COBL: variants seen among roughly 807,000 people sequenced by gnomAD.
COBL encodes the protein protein cordon-bleu.
Under a neutral mutation model 98.8 loss-of-function variants are expected in COBL, and 51 were observed. The observed-to-expected ratio is 0.52, with a 90% CI of 0.41 to 0.65. The LOEUF (loss-of-function observed/expected upper bound fraction) is 0.65. Ranked by LOEUF, COBL falls within the 30% of genes least tolerant of loss-of-function variation. COBL has a pLI of 0.00. For synonymous variants in COBL, 634 were observed against 651.7 expected (o/e 0.97, Z 0.41); for missense variants, 1,617 against 1,617.5 (o/e 1.00, Z 0.01).
intron 6 of COBL, among the ~76,000 whole-genome samples, chr7:51,087,359 T>G (rs1794379085): frequency 6.6e-6 from 1 of 152,222 alleles, no homozygotes; most frequent in Non-Finnish European, 1.5e-5. Flanking sequence ...ATTACCTTTT[T>G]GTTTTCCCTG....
chr7:51,297,581 C>T (rs1463676806), intron 1 of COBL, among the ~76,000 whole-genome samples: 1 of 151,862 alleles, frequency 6.6e-6, no homozygotes, highest in Admixed American at 6.6e-5. Flanking sequence ...TTAGTAGAGA[C>T]GGGGTTTTGC....
chr7:51,303,999 G>A (rs1381057528), intron 1 of COBL, among the ~76,000 whole-genome samples: 2 of 152,044 alleles, frequency 1.3e-5, no homozygotes, highest in Non-Finnish European at 2.9e-5. Context: ...ATGGAATAAC[G>A]CTGGCGGCAC....
chr7:51,316,768 A>AGCGGCGGAGC lies in COBL; in HGVS notation c.-145_-136dup. On this transcript the variant is annotated 5_prime_UTR_variant, in exon 1 of 13. Transcript: ENST00000265136. The stretch of plus-strand genomic sequence containing the variant: ...CCTCCCACGCGGGCCGGCGGAGGAC[A>AGCGGCGGAGC]GCGGCGGAGCGCGGCGGACGGAAGG... The AGCGGCGGAGC allele has an allele frequency of 1.5e-6, 1 of 668,646 alleles. No individual in the cohort carries two copies. Among genetic ancestry groups the AGCGGCGGAGC allele is most frequent in the Middle Eastern group, 5.1e-4 (1 of 1,962 alleles). The allele number at this position is 668,646 out of a possible 1,614,324, so 41.4% of individuals were successfully genotyped here.
At chr7:51,138,386 GATTT>G (rs1438979406) in intron 5 of COBL, among the ~76,000 whole-genome samples, 1 of 152,186 alleles carries the variant, frequency 6.6e-6, no homozygotes, top group Non-Finnish European at 1.5e-5. Flanking sequence ...TGCAACTCAA[GATTT>G]ATTTAACCCT....
chr7:51,203,777 T>TG (rs2129068197), intron 2 of COBL, among the ~76,000 whole-genome samples: 1 of 152,200 alleles, frequency 6.6e-6, no homozygotes, highest in South Asian at 2.1e-4. Flanking sequence ...ATCGATTCAA[T>TG]GAAGAACACT....
At position 51,075,381 on chromosome 7, in the gene COBL, T is replaced by C. The variant is rs1334901764; in HGVS notation, c.1096+9785A>G. On this transcript the variant is annotated intron_variant, in intron 7 of 12. Transcript: ENST00000265136. Reference sequence around the variant, plus strand: ...CTGAATGCGGTGCTGTGAAGAGATGTGTAGTAGCACACTATGATATATTTT... The same window carrying C: ...CTGAATGCGGTGCTGTGAAGAGATGCGTAGTAGCACACTATGATATATTTT... Among the ~76,000 whole-genome samples, 4 of 152,222 alleles carry C rather than the reference T, an allele frequency of 2.6e-5. No individual in the cohort carries two copies. In the South Asian group the frequency reaches 8.3e-4, roughly 32 times the overall value.
At chr7:51,150,345 G>A (rs142180608) in intron 5 of COBL, among the ~76,000 whole-genome samples, 471 of 152,294 alleles carry the variant, frequency 3.1e-3, no homozygotes, top group Non-Finnish European at 5.1e-3. Flanking sequence ...GAACGTAGGT[G>A]TTAGGAAAGG....
intron 1 of COBL, among the ~76,000 whole-genome samples, chr7:51,274,799 G>C (rs997549812): frequency 6.6e-6 from 1 of 152,178 alleles, no homozygotes; most frequent in Non-Finnish European, 1.5e-5. Context: ...ATTAATTTTT[G>C]TAAACCAGTC....
rs151264751 is a variant in COBL at position 51,083,442 on chromosome 7, C to T, written c.1096+1724G>A. Among the ~76,000 whole-genome samples the T allele has an allele frequency of 3.0e-3, 453 of 152,304 alleles. 1 individual carries two copies. The highest frequency in any genetic ancestry group is 0.01 in the African/African-American group (432 of 41,556). On this transcript the variant is annotated intron_variant, in intron 7 of 12. Transcript: ENST00000265136. Reference sequence around the variant, plus strand: ...CACTCACACTTTAACATTTTACATACGTAGTGTTCTATCATTGGAGCAGTT... The same window carrying T: ...CACTCACACTTTAACATTTTACATATGTAGTGTTCTATCATTGGAGCAGTT...
At chr7:51,097,800 G>A (rs978115452) in intron 6 of COBL, among the ~76,000 whole-genome samples, 5 of 152,044 alleles carry the variant, frequency 3.3e-5, no homozygotes, top group Admixed American at 2.6e-4. Flanking sequence ...GAGGCGGGTG[G>A]ATCACAAGGT....
chr7:51,044,689 C>T (rs1176157593), intron 7 of COBL, among the ~76,000 whole-genome samples: 2 of 152,164 alleles, frequency 1.3e-5, no homozygotes, highest in African/African-American at 4.8e-5. Flanking sequence ...AGTCATTCTT[C>T]CCCTAAATAG....
chr7:51,105,360 C>T (rs139874359), intron 6 of COBL, among the ~76,000 whole-genome samples: 7 of 152,326 alleles, frequency 4.6e-5, no homozygotes, highest in Admixed American at 1.3e-4. Context: ...CCACCTGCTG[C>T]GCGAACTTGC....
rs190199671 is a variant in COBL, at chr7:51,243,333, C to A, written c.42-23389G>T. ...CCCTTATGTGCGAGTCACCTCACCC[C>A]TCTGTACCTCCGGTTCCAGTGGTGA... On this transcript the variant is annotated intron_variant, in intron 1 of 12. Transcript: ENST00000265136. Among the ~76,000 whole-genome samples, 218 of 152,330 alleles carry A rather than the reference C, an allele frequency of 1.4e-3. 1 individual carries two copies. Among genetic ancestry groups the A allele is most frequent in the African/African-American group, 5.2e-3 (215 of 41,590 alleles).
At chr7:51,164,045 G>A (rs1787067974) in intron 5 of COBL, among the ~76,000 whole-genome samples, 1 of 152,196 alleles carries the variant, frequency 6.6e-6, no homozygotes, top group Non-Finnish European at 1.5e-5. Context: ...GTGATGAACA[G>A]TGTTCACTGT....
At chr7:51,129,490 T>C (rs1330832819) in intron 6 of COBL, among the ~76,000 whole-genome samples, 1 of 147,434 alleles carries the variant, frequency 6.8e-6, no homozygotes, top group Non-Finnish European at 1.5e-5. Flanking sequence ...GACCCACACA[T>C]GTTTGGTAAA....
Position 51,316,630 on chromosome 7 carries a change from C to T in COBL, c.4G>A (p.Asp2Asn). The stretch of plus-strand genomic sequence containing the variant: ...TTGGCCGCCGAGGCGCGCGGCGCGT[C>T]CATGGTGCCGGGGGCCGGGACGCGG... Reference protein sequence around the residue: MDAPRASAAKPP... With the variant: MNAPRASAAKPP... Residue 2 changes from aspartate to asparagine, a missense_variant, in exon 1 of 13, where the codon GAC (aspartate) becomes AAC (asparagine). Physicochemically the swap from Asp to Asn is conservative, Grantham distance 23 (BLOSUM62 1). Around this residue, in one of 3 missense-constraint regions of COBL, gnomAD observed 238 missense variants for 215.0 expected, o/e 1.11. Coordinates refer to ENST00000265136, the MANE Select transcript of COBL (RefSeq NM_015198.5). The T allele has an allele frequency of 1.7e-6, 2 of 1,200,580 alleles. No individual in the cohort carries two copies. Among genetic ancestry groups the T allele is most frequent in the Non-Finnish European group, 2.1e-6 (2 of 967,888 alleles). 74.4% of individuals were successfully genotyped at this position (1,200,580 alleles called of 1,614,324 possible). A position where few individuals can be genotyped will look rare whatever the true frequency, so the allele number is the denominator to read the frequency against.
chr7:51,264,043 T>C (rs1306663578), intron 1 of COBL, among the ~76,000 whole-genome samples: 4 of 152,170 alleles, frequency 2.6e-5, no homozygotes, highest in African/African-American at 9.7e-5. Flanking sequence ...ATTATGTAGC[T>C]GTCAAAAGAC....
intron 7 of COBL, chr7:51,071,002 C>T (rs922397458): frequency 6.6e-6 from 1 of 152,190 alleles, no homozygotes; most frequent in South Asian, 2.1e-4. Flanking sequence ...CAGGGTGAAA[C>T]TAAGAATTTA....
chr7:51,070,084 A>G (rs1217426015), intron 7 of COBL, among the ~76,000 whole-genome samples: 1 of 152,214 alleles, frequency 6.6e-6, no homozygotes, highest in Admixed American at 6.5e-5. Flanking sequence ...TATAACATAA[A>G]GCCTTTAAGG....
Sources: gnomAD v4.1 joint callset for allele counts (sites outside exome capture counted in the v4.1 genomes callset) on GRCh38, gnomAD v4.1.1 for gene constraint, gnomAD v4.1.1 regional missense constraint, MANE v1.5 for transcripts, NCBI Gene and HGNC (gene_info 2026-07-23, HGNC 2026-07-21) for gene names.